The following OSCP1 variants were observed in gnomAD, a reference collection of about 807,000 sequenced individuals.
OSCP1 encodes the protein protein OSCP1.
A neutral mutation model predicts 45.1 loss-of-function variants in OSCP1; 35 were observed. The ratio of observed to expected loss-of-function variants is 0.78; its 90% CI spans 0.59 to 1.03. OSCP1 has a LOEUF of 1.03. OSCP1 is among the 50% of genes least tolerant of loss of function. The pLI is 0.00. For synonymous variants in OSCP1, 179 were observed against 180.1 expected (o/e 0.99, Z 0.05); for missense variants, 400 against 470.7 (o/e 0.85, Z 1.39).
At chr1:36,440,076 C>T (rs1235811728) in intron 1 of OSCP1, among the ~76,000 whole-genome samples, 1 of 152,208 alleles carries the variant, frequency 6.6e-6, no homozygotes, top group Non-Finnish European at 1.5e-5. Context: ...AATAATTATA[C>T]AAAATCACTT....
chr1:36,420,158 T>G (rs945022799), intron 8 of OSCP1, among the ~76,000 whole-genome samples: 5 of 151,176 alleles, frequency 3.3e-5, no homozygotes, highest in Middle Eastern at 3.4e-3. Context: ...TTTTTTTTTT[T>G]GTAGAGACGG....
intron 1 of OSCP1, among the ~76,000 whole-genome samples, chr1:36,439,639 G>C (rs1648994427): frequency 6.6e-6 from 1 of 152,114 alleles, no homozygotes; most frequent in African/African-American, 2.4e-5. Context: ...CCTGAAAATA[G>C]ACAAGTCTAC....
chr1:36,449,833 C>A (rs186690888), intron 1 of OSCP1, among the ~76,000 whole-genome samples: 2,850 of 31,108 alleles, frequency 0.092, 49 homozygotes, highest in Non-Finnish European at 0.099. Flanking sequence ...GAGACCCTGT[C>A]TCAAAAAAAA....
intron 1 of OSCP1, chr1:36,439,137 G>T: frequency 2.3e-6 from 1 of 426,398 alleles, no homozygotes; most frequent in South Asian, 6.1e-5. Context: ...ATGAAGACAA[G>T]GCACTAATGT....
Position 36,423,365 on chromosome 1 carries a change from G to C in OSCP1, c.618C>G (p.Ile206Met), listed in dbSNP as rs751102022. ...TCTGATCATTGTTGGGAATTCACCT[G>C]ATGAGTCCTGGAACTTCAGTTCCCC... ...VPWGTEVPGL[I>M]RMFNNKGEEV... is the part of the protein sequence containing the mutation. Residue 206 changes from isoleucine (I) to methionine (M), a missense_variant and splice_region_variant, in exon 5 of 10, where the codon ATC becomes ATG. Physicochemically the swap from Ile to Met is conservative, Grantham distance 10. Transcript: ENST00000235532. 1 of 1,602,134 alleles carries C rather than the reference G, an allele frequency of 6.2e-7. No individual in the cohort carries two copies. Among genetic ancestry groups the C allele is most frequent in the East Asian group, 2.2e-5 (1 of 44,804 alleles).
At chr1:36,441,950 G>A (rs937796180) in intron 1 of OSCP1, among the ~76,000 whole-genome samples, 11 of 151,798 alleles carry the variant, frequency 7.2e-5, no homozygotes, top group Non-Finnish European at 1.3e-4. Context: ...AAGGGGGGCC[G>A]GGCGCAGTGG....
chr1:36,438,389 C>CT (rs1263627805), intron 2 of OSCP1, among the ~76,000 whole-genome samples: 1 of 150,848 alleles, frequency 6.6e-6, no homozygotes, highest in Admixed American at 6.6e-5. Flanking sequence ...ACTTGGGAGT[C>CT]TGAGGCAGGA....
chr1:36,424,310 C>T (rs75305657), intron 4 of OSCP1, among the ~76,000 whole-genome samples: 15,573 of 152,158 alleles, frequency 0.1, 951 homozygotes, highest in East Asian at 0.29. Context: ...ATTTTAAAGA[C>T]GAGAAAGCTA....
At chr1:36,439,043 G>T in intron 1 of OSCP1, 133 bp from the exon 2 acceptor site, 3 of 934,486 alleles carry the variant, frequency 3.2e-6, no homozygotes, top group Middle Eastern at 2.2e-4. Context: ...GGTGAGATCA[G>T]CTCCCTGAGG....
intron 1 of OSCP1, among the ~76,000 whole-genome samples, chr1:36,449,866 A>AAAAAAAAAC (rs1649784449): frequency 1.4e-5 from 2 of 146,468 alleles, no homozygotes; most frequent in Non-Finnish European, 3.0e-5. Flanking sequence ...AAAAAAAAAA[A>AAAAAAAAAC]AATCAGAACC....
At chr1:36,420,293 T>C in intron 8 of OSCP1, 183 bp downstream of exon 8, 1 of 753,510 alleles carries the variant, frequency 1.3e-6, no homozygotes, top group Non-Finnish European at 2.0e-6. Flanking sequence ...TTTTTTTGAA[T>C]GACTCTGGAA....
At chr1:36,442,364 T>G (rs1355011396) in intron 1 of OSCP1, among the ~76,000 whole-genome samples, 1 of 152,164 alleles carries the variant, frequency 6.6e-6, no homozygotes, top group Non-Finnish European at 1.5e-5. Flanking sequence ...CTGTTCATTA[T>G]TTTTGAACAT....
At chr1:36,419,616 C>G (rs1647489629) in intron 8 of OSCP1, among the ~76,000 whole-genome samples, 1 of 152,108 alleles carries the variant, frequency 6.6e-6, no homozygotes, top group African/African-American at 2.4e-5. Flanking sequence ...GCTCTGTAAA[C>G]TGTAAAGCAC....
intron 1 of OSCP1, among the ~76,000 whole-genome samples, chr1:36,450,005 G>T (rs1047192859): frequency 1.3e-5 from 2 of 151,334 alleles, no homozygotes; most frequent in African/African-American, 4.9e-5. Context: ...TCTCCCATTT[G>T]AAGAGATGGG....
At chr1:36,429,693 G>C (rs1648228669) in intron 4 of OSCP1, among the ~76,000 whole-genome samples, 1 of 151,562 alleles carries the variant, frequency 6.6e-6, no homozygotes. Flanking sequence ...TTTTGTTTTT[G>C]TAGAGATGGG....
intron 1 of OSCP1, among the ~76,000 whole-genome samples, chr1:36,442,132 C>A (rs1352582688): frequency 6.6e-6 from 1 of 151,184 alleles, no homozygotes; most frequent in African/African-American, 2.4e-5. Context: ...GAGGCTGAGG[C>A]AGGAGAATTG....
At chr1:36,428,091 G>T (rs1441207973) in intron 4 of OSCP1, 1 of 213,108 alleles carries the variant, frequency 4.7e-6, no homozygotes, top group Non-Finnish European at 8.0e-6. Context: ...TCGGGAGGCT[G>T]AGGCAGGGGA....
chr1:36,442,092 T>G (rs1421776850), intron 1 of OSCP1, among the ~76,000 whole-genome samples: 2 of 152,078 alleles, frequency 1.3e-5, no homozygotes, highest in Admixed American at 6.5e-5. Flanking sequence ...CCAGGCGTGG[T>G]GGCTCATGCC....
intron 2 of OSCP1, among the ~76,000 whole-genome samples, chr1:36,434,988 T>C (rs937622957): frequency 1.3e-5 from 2 of 152,016 alleles, no homozygotes; most frequent in African/African-American, 4.8e-5. Flanking sequence ...GTCTCACAGC[T>C]AGTAACTGGT....
Sources: allele counts gnomAD v4.1 joint callset (sites outside exome capture counted in the v4.1 genomes callset), GRCh38; gene constraint gnomAD v4.1.1; transcripts MANE v1.5; gene names NCBI Gene and HGNC (gene_info 2026-07-23, HGNC 2026-07-21).